Variants in MYO3B observed in about 807,000 individuals in gnomAD.
The protein encoded by MYO3B is myosin-IIIb.
In MYO3B, 156 loss-of-function variants were observed where a neutral mutation model predicts 174.6. The ratio of observed to expected loss-of-function variants is 0.89; its 90% CI spans 0.78 to 1.02. The LOEUF (loss-of-function observed/expected upper bound fraction) is 1.02. Among genes scored for constraint, MYO3B ranks in the 50% least tolerant of loss-of-function variants. The pLI is 0.00. For missense variants in MYO3B, 1,632 were observed against 1,639.4 expected, an observed-to-expected ratio of 1.00 and a Z score of 0.08; for synonymous variants, 563 against 569.1, an observed-to-expected ratio of 0.99 and a Z score of 0.15.
chr2:170,292,097 T>G (rs986053391), intron 7 of MYO3B, among the ~76,000 whole-genome samples: 1 of 152,154 alleles, frequency 6.6e-6, no homozygotes, highest in Non-Finnish European at 1.5e-5. Context: ...TTTCTGCATC[T>G]TGTAGTTGGT....
At chr2:170,488,710 T>C (rs1462042889) in intron 25 of MYO3B, among the ~76,000 whole-genome samples, 1 of 152,200 alleles carries the variant, frequency 6.6e-6, no homozygotes, top group African/African-American at 2.4e-5. Flanking sequence ...AGAATCATTA[T>C]CAGGCTGGAC....
chr2:170,541,057 A>G (rs1015685098), intron 30 of MYO3B, among the ~76,000 whole-genome samples: 7 of 152,174 alleles, frequency 4.6e-5, no homozygotes, highest in Admixed American at 4.6e-4. Flanking sequence ...ATTCTTCCAA[A>G]GGCTTGAATG....
intron 23 of MYO3B, among the ~76,000 whole-genome samples, chr2:170,450,330 A>G (rs1683528204): frequency 6.6e-6 from 1 of 152,268 alleles, no homozygotes; most frequent in African/African-American, 2.4e-5. Flanking sequence ...AGAAAAAGAC[A>G]TACTTTATAA....
intron 30 of MYO3B, among the ~76,000 whole-genome samples, chr2:170,528,554 C>T (rs778394315): frequency 8.5e-5 from 13 of 152,126 alleles, no homozygotes; most frequent in African/African-American, 1.2e-4. Context: ...TATAGCTGTG[C>T]ACCACCATGA....
At chr2:170,191,666 A>C (rs2092542258) in intron 1 of MYO3B, among the ~76,000 whole-genome samples, 1 of 152,158 alleles carries the variant, frequency 6.6e-6, no homozygotes. Context: ...CCGCAAGTGC[A>C]CAGATTATCT....
chr2:170,381,924 G>A (rs1473132807), intron 9 of MYO3B, 92 bp from the exon 10 acceptor site: 14 of 1,032,874 alleles, frequency 1.4e-5, no homozygotes, highest in African/African-American at 4.7e-5. Context: ...AACATATCAC[G>A]TGATAAGATT....
intron 22 of MYO3B, among the ~76,000 whole-genome samples, chr2:170,429,196 T>C (rs1029457548): frequency 6.6e-6 from 1 of 152,236 alleles, no homozygotes. Context: ...GATTTGCTCC[T>C]GCCTGAGCAT....
intron 16 of MYO3B, among the ~76,000 whole-genome samples, chr2:170,393,143 G>T (rs934922623): frequency 1.3e-5 from 2 of 150,442 alleles, no homozygotes; most frequent in African/African-American, 4.9e-5. Context: ...GAGTGCAGTG[G>T]CGGGATCTCA....
chr2:170,367,986 A>G (rs769113418), intron 8 of MYO3B, among the ~76,000 whole-genome samples: 2 of 152,218 alleles, frequency 1.3e-5, no homozygotes, highest in African/African-American at 2.4e-5. Context: ...CAATTATAAA[A>G]TGGAGTAACT....
intron 32 of MYO3B, among the ~76,000 whole-genome samples, chr2:170,557,151 T>TTTATTG (rs1325442881): frequency 1.0e-3 from 157 of 150,874 alleles, no homozygotes; most frequent in Middle Eastern, 3.4e-3. Context: ...TATTTTTATT[T>TTTATTG]TTTTTTGAGA....
intron 9 of MYO3B, among the ~76,000 whole-genome samples, chr2:170,373,653 G>A (rs2094265057): frequency 1.3e-5 from 2 of 152,194 alleles, no homozygotes; most frequent in African/African-American, 2.4e-5. Flanking sequence ...AACGAAGACA[G>A]AAGAGAGAGG....
chr2:170,431,525 G>C (rs1558994616), intron 22 of MYO3B, among the ~76,000 whole-genome samples: 1 of 152,316 alleles, frequency 6.6e-6, no homozygotes, highest in East Asian at 1.9e-4. Context: ...TAAAGCTGTA[G>C]TTTATATTCT....
chr2:170,305,198 A>C (rs1422372656), intron 7 of MYO3B, among the ~76,000 whole-genome samples: 1 of 152,162 alleles, frequency 6.6e-6, no homozygotes, highest in African/African-American at 2.4e-5. Context: ...CACATCCTCT[A>C]TTCTCTGTCA....
Position 170,382,073 on chromosome 2 carries a change from C to T in MYO3B, c.1029C>T (p.Cys343=). ...PYHVEDAEKY[C]LEDDLVNLEV... is the part of the protein sequence containing the mutation. The stretch of plus-strand genomic sequence containing the variant: ...ATGTGGAAGATGCTGAAAAATACTG[C>T]CTTGAGGATGATTTGGTCAACCTAG... The change falls in exon 10 of 35, where the codon TGC becomes TGT. Residue 343 remains cysteine, a synonymous_variant. Coordinates refer to ENST00000408978, the MANE Select transcript of MYO3B (RefSeq NM_138995.5). The T allele has an allele frequency of 6.2e-7, 1 of 1,613,370 alleles. No homozygotes were observed. Among genetic ancestry groups the T allele is most frequent in the Non-Finnish European group, 8.5e-7 (1 of 1,179,546 alleles).
Position 170,232,931 on chromosome 2 carries a change from C to T in MYO3B, c.604-3060C>T, listed in dbSNP as rs978224132. 5.9e-5 allele frequency among the ~76,000 whole-genome samples: 9 copies of T among 152,310 alleles called. No individual in the cohort carries two copies. The South Asian group carries it at 1.7e-3, about 28-fold the overall frequency. Reference sequence around the variant, plus strand: ...GGCCAAGATATGATTTTCTATTCATCAGAATGAGCTGAAGATAATGTTTGT... The same window carrying T: ...GGCCAAGATATGATTTTCTATTCATTAGAATGAGCTGAAGATAATGTTTGT... On this transcript the variant is annotated intron_variant, in intron 6 of 34. Coordinates refer to ENST00000408978, the MANE Select transcript of MYO3B (RefSeq NM_138995.5).
At chr2:170,529,362 TAA>T (rs113651791) in intron 30 of MYO3B, among the ~76,000 whole-genome samples, 1,939 of 148,574 alleles carry the variant, frequency 0.013, 42 homozygotes, top group African/African-American at 0.044. Flanking sequence ...AAATAAAAGT[TAA>T]AAAAAAAAAA....
At chr2:170,493,000 G>A (rs992740951) in intron 25 of MYO3B, among the ~76,000 whole-genome samples, 1 of 152,192 alleles carries the variant, frequency 6.6e-6, no homozygotes, top group East Asian at 1.9e-4. Context: ...AAAGGAGAAT[G>A]AAGGGAAGTG....
chr2:170,302,742 G>A (rs369779550), intron 7 of MYO3B, among the ~76,000 whole-genome samples: 1 of 152,178 alleles, frequency 6.6e-6, no homozygotes, highest in Non-Finnish European at 1.5e-5. Flanking sequence ...ATTAAAGAAT[G>A]AGTCCTGCAA....
At chr2:170,510,958 AC>A (rs1167565351) in intron 28 of MYO3B, among the ~76,000 whole-genome samples, 1 of 152,120 alleles carries the variant, frequency 6.6e-6, no homozygotes, top group African/African-American at 2.4e-5. Flanking sequence ...GTATAGATGT[AC>A]CACAATTTTA....
Sources: gnomAD v4.1 joint callset for allele counts (sites outside exome capture counted in the v4.1 genomes callset) on GRCh38, gnomAD v4.1.1 for gene constraint, MANE v1.5 for transcripts, NCBI Gene and HGNC (gene_info 2026-07-23, HGNC 2026-07-21) for gene names.